Variants in HS6ST3 observed in about 807,000 individuals in gnomAD.
HS6ST3 encodes heparan-sulfate 6-O-sulfotransferase 3.
In HS6ST3, 12 loss-of-function variants were observed where a neutral mutation model predicts 36.7. The observed-to-expected ratio is 0.33, with a 90% CI of 0.21 to 0.53. The LOEUF is 0.53. Among genes scored for constraint, HS6ST3 ranks in the 20% least tolerant of loss-of-function variants. HS6ST3 has a pLI of 0.95. For synonymous variants in HS6ST3, 240 were observed against 257.5 expected, an observed-to-expected ratio of 0.93 and a Z score of 0.65; for missense variants, 584 against 640.9, an observed-to-expected ratio of 0.91 and a Z score of 0.96.
intron 1 of HS6ST3, among the ~76,000 whole-genome samples, chr13:96,302,150 A>G (rs571404122): frequency 5.3e-5 from 8 of 152,018 alleles, no homozygotes; most frequent in African/African-American, 1.4e-4. Flanking sequence ...ACCTGACAAT[A>G]TGTATCAATG....
intron 1 of HS6ST3, among the ~76,000 whole-genome samples, chr13:96,144,301 A>T (rs549170126): frequency 6.6e-6 from 1 of 152,342 alleles, no homozygotes; most frequent in South Asian, 2.1e-4. Flanking sequence ...AAGATTACTA[A>T]GTATACTGTA....
intron 1 of HS6ST3, among the ~76,000 whole-genome samples, chr13:96,162,067 T>C (rs962985595): frequency 6.6e-6 from 1 of 152,130 alleles, no homozygotes; most frequent in African/African-American, 2.4e-5. Flanking sequence ...ATTATTAAAA[T>C]GAAAAACATA....
chr13:96,671,241 TACCCC>T (rs1466741361), intron 1 of HS6ST3, among the ~76,000 whole-genome samples: 1 of 152,130 alleles, frequency 6.6e-6, no homozygotes, highest in Admixed American at 6.6e-5. Flanking sequence ...TGGATGCCTT[TACCCC>T]ACCCTCCCAA....
chr13:96,255,872 A>C (rs1182097245), intron 1 of HS6ST3, among the ~76,000 whole-genome samples: 2 of 152,280 alleles, frequency 1.3e-5, no homozygotes, highest in South Asian at 2.1e-4. Context: ...CCTGCACCTC[A>C]AATTGAAGGC....
At chr13:96,622,433 C>T (rs2056498388) in intron 1 of HS6ST3, among the ~76,000 whole-genome samples, 1 of 152,064 alleles carries the variant, frequency 6.6e-6, no homozygotes. Flanking sequence ...TTTACTTTCT[C>T]AGTCTGACTA....
chr13:96,217,582 CATCT>C (rs1366301914), intron 1 of HS6ST3, among the ~76,000 whole-genome samples: 3 of 152,302 alleles, frequency 2.0e-5, no homozygotes, highest in Admixed American at 2.0e-4. Flanking sequence ...TCCATCCATC[CATCT>C]CTCTATCTTT....
At chr13:96,551,795 C>T (rs1160631499) in intron 1 of HS6ST3, among the ~76,000 whole-genome samples, 2 of 152,194 alleles carry the variant, frequency 1.3e-5, no homozygotes, top group African/African-American at 4.8e-5. Flanking sequence ...CCGGAGCATA[C>T]TTTCTCACTT....
intron 1 of HS6ST3, among the ~76,000 whole-genome samples, chr13:96,557,397 T>C (rs1175295802): frequency 6.6e-6 from 1 of 152,164 alleles, no homozygotes; most frequent in Non-Finnish European, 1.5e-5. Context: ...GTGGTGGTCT[T>C]ATAAGTAAAG....
intron 1 of HS6ST3, among the ~76,000 whole-genome samples, chr13:96,525,555 C>A (rs1334004794): frequency 6.6e-6 from 1 of 152,168 alleles, no homozygotes; most frequent in Admixed American, 6.5e-5. Flanking sequence ...TACACACACA[C>A]ACACACGCAA....
chr13:96,519,464 G>A (rs897265939), intron 1 of HS6ST3, among the ~76,000 whole-genome samples: 1 of 152,198 alleles, frequency 6.6e-6, no homozygotes, highest in Non-Finnish European at 1.5e-5. Context: ...GGGAAGAGAG[G>A]AACAAATGGA....
At chr13:96,262,268 A>C (rs1566305057) in intron 1 of HS6ST3, among the ~76,000 whole-genome samples, 1 of 152,154 alleles carries the variant, frequency 6.6e-6, no homozygotes, top group African/African-American at 2.4e-5. Flanking sequence ...ATAGAAGGCA[A>C]ACGTTTTCTA....
chr13:96,391,664 A>G (rs541613851), intron 1 of HS6ST3, among the ~76,000 whole-genome samples: 2 of 152,266 alleles, frequency 1.3e-5, no homozygotes, highest in African/African-American at 4.8e-5. Context: ...GGAGCAAGTC[A>G]CGTATTACAT....
At chr13:96,441,287 AC>A (rs1230098893) in intron 1 of HS6ST3, among the ~76,000 whole-genome samples, 2 of 151,604 alleles carry the variant, frequency 1.3e-5, no homozygotes, top group Admixed American at 1.3e-4. Flanking sequence ...ATTTGAATAT[AC>A]TTTTTTTTTT....
chr13:96,349,284 G>A (rs1022818525), intron 1 of HS6ST3, among the ~76,000 whole-genome samples: 8 of 152,102 alleles, frequency 5.3e-5, no homozygotes, highest in Admixed American at 4.6e-4. Flanking sequence ...TTTCAAATAA[G>A]CACATCAAGA....
chr13:96,788,606 A>G (rs1877710948), intron 1 of HS6ST3, among the ~76,000 whole-genome samples: 1 of 151,682 alleles, frequency 6.6e-6, no homozygotes, highest in Admixed American at 6.6e-5. Flanking sequence ...ATTTTTGTTC[A>G]CTTGTTACAG....
chr13:96,392,498 C>T (rs912836498), intron 1 of HS6ST3, among the ~76,000 whole-genome samples: 2 of 152,116 alleles, frequency 1.3e-5, no homozygotes, highest in Non-Finnish European at 2.9e-5. Flanking sequence ...GGAACAAAGA[C>T]AGCTGACCCA....
At chr13:96,131,844 C>G (rs139236358) in intron 1 of HS6ST3, among the ~76,000 whole-genome samples, 3,020 of 150,932 alleles carry the variant, frequency 0.02, 84 homozygotes, top group African/African-American at 0.068. Context: ...AAATTTGTAA[C>G]CTGACAAACG....
At chr13:96,179,723 T>C (rs1347833663) in intron 1 of HS6ST3, among the ~76,000 whole-genome samples, 2 of 152,260 alleles carry the variant, frequency 1.3e-5, no homozygotes, top group African/African-American at 2.4e-5. Flanking sequence ...ATTATACTTA[T>C]GAGTCTATCT....
At chr13:96,527,501 C>G (rs544487589) in intron 1 of HS6ST3, among the ~76,000 whole-genome samples, 77 of 152,248 alleles carry the variant, frequency 5.1e-4, no homozygotes, top group African/African-American at 1.7e-3. Flanking sequence ...CAATGTAACT[C>G]TAGTTAGTGG....
Sources: gnomAD v4.1 joint callset for allele counts (sites outside exome capture counted in the v4.1 genomes callset) on GRCh38, gnomAD v4.1.1 for gene constraint, MANE v1.5 for transcripts, NCBI Gene and HGNC (gene_info 2026-07-23, HGNC 2026-07-21) for gene names.